MRS2: variants seen among roughly 807,000 people sequenced by gnomAD.
The protein encoded by MRS2 is magnesium transporter MRS2.
MRS2 carries 40 observed loss-of-function variants against 52.6 expected under a neutral mutation model. The ratio of observed to expected loss-of-function variants is 0.76; its 90% confidence interval spans 0.59 to 0.99. MRS2 has a LOEUF of 0.99. MRS2 is among the 50% of genes least tolerant of loss of function. The pLI is 0.00. For synonymous variants in MRS2, 193 were observed against 195.9 expected, an observed-to-expected ratio of 0.98 and a Z score of 0.13; for missense variants, 472 against 532.7, an observed-to-expected ratio of 0.89 and a Z score of 1.12.
intron 5 of MRS2, among the ~76,000 whole-genome samples, chr6:24,412,615 C>T (rs983122109): frequency 5.9e-5 from 9 of 152,172 alleles, no homozygotes; most frequent in African/African-American, 2.2e-4. Context: ...TATAAAAATG[C>T]TTGACATGTG....
In MRS2 at chr6:24,422,844, A is replaced by G. The variant is rs772728695; in HGVS notation, c.1108-93A>G. 308 of 815,020 alleles carry G rather than the reference A, an allele frequency of 3.8e-4. No individual in the cohort carries two copies. In the Middle Eastern group the frequency reaches 5.4e-3, roughly 14 times the overall value. 50.5% of individuals were successfully genotyped at this position (815,020 alleles called of 1,614,324 possible). A position where few individuals can be genotyped will look rare whatever the true frequency, so the allele number is the denominator to read the frequency against. On this transcript the variant is annotated intron_variant, in intron 9 of 10. Transcript: ENST00000378386. Reference sequence around the variant, plus strand: ...TACAGGAAAGAGCTGTACAAATAACATAAGGCTTTCAAACTCTGGGGCAGT... The same window carrying G: ...TACAGGAAAGAGCTGTACAAATAACGTAAGGCTTTCAAACTCTGGGGCAGT...
chr6:24,408,482 T>C (rs373786851), intron 3 of MRS2, 38 bp downstream of exon 3: 10 of 1,355,754 alleles, frequency 7.4e-6, no homozygotes. Flanking sequence ...TTTAAACATT[T>C]AATGAGTGAA....
chr6:24,418,258 C>T, intron 8 of MRS2, 22 bp downstream of exon 8: 1 of 1,535,586 alleles, frequency 6.5e-7, no homozygotes, highest in Non-Finnish European at 8.7e-7. Context: ...TTATATAAAA[C>T]TAAGTTTTTT....
intron 1 of MRS2, 111 bp downstream of exon 1, chr6:24,403,347 C>A: frequency 9.2e-7 from 1 of 1,089,968 alleles, no homozygotes; most frequent in Non-Finnish European, 1.3e-6. Flanking sequence ...CTCCGCAGGC[C>A]TCGGCCTCCC....
chr6:24,416,368 G>T (rs755193510), intron 6 of MRS2, 29 bp from the exon 7 acceptor site: 2 of 888,212 alleles, frequency 2.3e-6, no homozygotes, highest in South Asian at 2.8e-5. Context: ...TTATTCTATT[G>T]ATCATTTTTG....
At position 24,407,042 on chromosome 6, in the gene MRS2, A is replaced by G. The variant is rs1172388897; in HGVS notation, c.265-1366A>G. 7.2e-5 allele frequency among the ~76,000 whole-genome samples: 11 copies of G among 152,030 alleles called. 1 individual carries two copies. The East Asian group carries it at 2.1e-3, about 29-fold the overall frequency. The stretch of plus-strand genomic sequence containing the variant: ...ATATTGAGATGCAAAAATATTCAGC[A>G]TATGTTGCTAATTTGGAAGGAGGGA... On this transcript the variant is annotated intron_variant, in intron 2 of 10. Transcript: ENST00000378386.
intron 4 of MRS2, 47 bp from the exon 5 acceptor site, chr6:24,412,175 A>T (rs560286075): frequency 1.7e-6 from 2 of 1,208,956 alleles, no homozygotes; most frequent in South Asian, 1.6e-5. Flanking sequence ...GCATGTGTGT[A>T]TATACACTCA....
intron 2 of MRS2, among the ~76,000 whole-genome samples, chr6:24,408,187 C>T (rs1309082234): frequency 6.6e-6 from 1 of 152,018 alleles, no homozygotes; most frequent in Non-Finnish European, 1.5e-5. Context: ...AAAGTTAAAC[C>T]CAGGTCTGAT....
intron 2 of MRS2, among the ~76,000 whole-genome samples, chr6:24,405,789 CAAA>C (rs529617637): frequency 5.0e-3 from 545 of 109,902 alleles, no homozygotes; most frequent in Non-Finnish European, 8.2e-3. Context: ...TTTTTTTTTC[CAAA>C]AAAAAAAAAA....
chr6:24,405,246 G>T lies in MRS2; in HGVS notation c.264+5G>T, dbSNP rs746219913. On this transcript the variant is annotated splice_donor_5th_base_variant and intron_variant, in intron 2 of 10. Coordinates refer to ENST00000378386, the MANE Select transcript of MRS2 (RefSeq NM_020662.4). ...GTAGCCCCAGTATTTACTGTGGTGA[G>T]TATGTACAGTACATTGGAAATCGTA... is the stretch of plus-strand genomic sequence containing the variant. 2.5e-6 allele frequency: 4 copies of T among 1,603,530 alleles called. No homozygotes were observed. In the East Asian group the frequency reaches 6.7e-5, roughly 27 times the overall value.
chr6:24,404,362 A>C (rs1761390818), intron 1 of MRS2, among the ~76,000 whole-genome samples: 2 of 152,294 alleles, frequency 1.3e-5, no homozygotes, highest in Non-Finnish European at 2.9e-5. Flanking sequence ...TATTCATCTT[A>C]CCCTTATAGT....
At position 24,403,235 on chromosome 6, in the gene MRS2, AG is replaced by A; in HGVS notation, c.190+1del. ...LCGPDRLRVA[G>X]EVHRFRTSDV... is the part of the protein sequence containing the mutation. ...GCGGGCCCGACCGGCTCCGCGTGGCAGGTACTGCCCTTCCCCGGCAACAGCC... is the reference window on the plus strand; with the variant it reads ...GCGGGCCCGACCGGCTCCGCGTGGCAGTACTGCCCTTCCCCGGCAACAGCC... On this transcript the variant is annotated frameshift_variant and splice_region_variant, in exon 1 of 11. Coordinates refer to ENST00000378386, the MANE Select transcript of MRS2 (RefSeq NM_020662.4). LOFTEE classifies it high-confidence loss of function. 6.3e-7 allele frequency: 1 copy of A among 1,593,560 alleles called. No homozygotes were observed. The highest frequency in any genetic ancestry group is 1.1e-5 in the South Asian group (1 of 89,884).
At position 24,424,052 on chromosome 6, in the gene MRS2, T is replaced by C. The variant is rs147470875; in HGVS notation, c.*358T>C. On this transcript the variant is annotated 3_prime_UTR_variant, in exon 11 of 11. Coordinates refer to ENST00000378386, the MANE Select transcript of MRS2 (RefSeq NM_020662.4). ...GAAGCGTAGGAACTTGACAAGCCCA[T>C]AGGTAGCTATAGTTCTTTGTCAGTA... 2 of 159,384 alleles carry C rather than the reference T, an allele frequency of 1.3e-5. No homozygotes were observed. Among genetic ancestry groups the C allele is most frequent in the African/African-American group, 2.4e-5 (1 of 41,704 alleles). The allele number at this position is 159,384 out of a possible 1,614,324, so 9.9% of individuals were successfully genotyped here.
At chr6:24,405,594 C>G (rs1025669065) in intron 2 of MRS2, among the ~76,000 whole-genome samples, 2 of 150,954 alleles carry the variant, frequency 1.3e-5, no homozygotes, top group African/African-American at 4.9e-5. Flanking sequence ...AGGTCATGAT[C>G]TCTAACTTTT....
rs370341885 is a variant in MRS2 at position 24,409,373 on chromosome 6, TTGA to T, written c.302-85_302-83del. On this transcript the variant is annotated intron_variant, in intron 3 of 10. Transcript: ENST00000378386. ...TTTCTGGTAGTAACCAAAAATTGTC[TTGA>T]TGGTGGTGGGAGGACTGCTCTGATG... 7.9e-4 allele frequency: 518 copies of T among 659,556 alleles called. 1 individual carries two copies. Among genetic ancestry groups the T allele is most frequent in the African/African-American group, 7.6e-3 (404 of 53,124 alleles). The allele number at this position is 659,556 out of a possible 1,614,324, so 40.9% of individuals were successfully genotyped here.
chr6:24,408,637 T>C (rs186887296), intron 3 of MRS2, among the ~76,000 whole-genome samples, 193 bp downstream of exon 3: 157 of 152,330 alleles, frequency 1.0e-3, no homozygotes, highest in African/African-American at 3.6e-3. Context: ...TCTCCCAGAA[T>C]TGTTTTCTTC....
rs1353610757 is a variant in MRS2 at position 24,423,753 on chromosome 6, T to A, written c.*59T>A. 1.3e-6 allele frequency: 1 copy of A among 766,448 alleles called. No individual in the cohort carries two copies. The highest frequency in any genetic ancestry group is 2.1e-6 in the Non-Finnish European group (1 of 471,138). 47.5% of individuals were successfully genotyped at this position (766,448 alleles called of 1,614,324 possible). ...GGTAGTTACAGGAAACTTCTGATACTCTTTTTATTATTTTCTTGTATAGAG... is the reference window on the plus strand; with the variant it reads ...GGTAGTTACAGGAAACTTCTGATACACTTTTTATTATTTTCTTGTATAGAG... On this transcript the variant is annotated 3_prime_UTR_variant, in exon 11 of 11. Coordinates refer to ENST00000378386, the MANE Select transcript of MRS2 (RefSeq NM_020662.4).
intron 6 of MRS2, among the ~76,000 whole-genome samples, chr6:24,415,995 G>GTC (rs1761836716): frequency 6.6e-6 from 1 of 152,010 alleles, no homozygotes; most frequent in African/African-American, 2.4e-5. Context: ...CAGTGGTGCA[G>GTC]TCTCAGCTCA....
Position 24,410,955 on chromosome 6 carries a change from G to A in MRS2, c.415-1267G>A, listed in dbSNP as rs184228740. Among the ~76,000 whole-genome samples, 207 of 152,182 alleles carry A rather than the reference G, an allele frequency of 1.4e-3. 1 individual carries two copies. The highest frequency in any genetic ancestry group is 2.0e-3 in the Admixed American group (30 of 15,256). ...TGTAATCCCAGCACTTTGGGAGGCC[G>A]AGAGGGGTGGATCACCTGAGGTCAG... is the stretch of plus-strand genomic sequence containing the variant. On this transcript the variant is annotated intron_variant, in intron 4 of 10. Transcript: ENST00000378386.
Sources: gnomAD v4.1 joint callset for allele counts (sites outside exome capture counted in the v4.1 genomes callset) on GRCh38, gnomAD v4.1.1 for gene constraint, MANE v1.5 for transcripts, NCBI Gene and HGNC (gene_info 2026-07-23, HGNC 2026-07-21) for gene names.